The following TDRD1 variants were observed in gnomAD, a reference collection of about 807,000 sequenced individuals.
TDRD1 encodes the protein tudor domain containing 1, also known as tudor domain-containing protein 1.
Under a neutral mutation model 140.6 loss-of-function variants are expected in TDRD1, and 37 were observed. The ratio of observed to expected loss-of-function variants is 0.26; its 90% confidence interval spans 0.20 to 0.35. TDRD1 has a LOEUF of 0.35. Ranked by LOEUF, TDRD1 falls within the 10% of genes least tolerant of loss-of-function variation. The pLI, the probability that TDRD1 is intolerant of heterozygous loss-of-function variation, is 1.00. For synonymous variants in TDRD1, 506 were observed against 475.7 expected (o/e 1.06, Z -0.83); for missense variants, 1,243 against 1,393.0 (o/e 0.89, Z 1.71).
exon 16 of TDRD1, chr10:114,213,981 C>T: frequency 1.2e-6 from 2 of 1,613,882 alleles, no homozygotes; most frequent in Non-Finnish European, 1.7e-6. Context: ...TCACAGTTCC[C>T]TTGGGTGTGG....
chr10:114,223,497 G>A (rs951341703), intron 21 of TDRD1, among the ~76,000 whole-genome samples: 1 of 152,220 alleles, frequency 6.6e-6, no homozygotes, highest in Non-Finnish European at 1.5e-5. Context: ...TTTGTGATTA[G>A]ATGGGCACCA....
At chr10:114,215,634 G>C (rs1174066117) in intron 16 of TDRD1, among the ~76,000 whole-genome samples, 1 of 152,066 alleles carries the variant, frequency 6.6e-6, no homozygotes, top group Non-Finnish European at 1.5e-5. Context: ...GATAACTAAG[G>C]CCCTGTCTGA....
intron 1 of TDRD1, among the ~76,000 whole-genome samples, chr10:114,187,206 A>C (rs1472113594): frequency 6.6e-6 from 1 of 152,186 alleles, no homozygotes; most frequent in African/African-American, 2.4e-5. Flanking sequence ...AGGTCCTTAA[A>C]AGCAGTAGGT....
At position 114,206,442 on chromosome 10, in the gene TDRD1, C is replaced by T. The variant is rs913036635; in HGVS notation, c.1384+112C>T. The T allele has an allele frequency of 3.0e-5, 21 of 707,870 alleles. No individual in the cohort carries two copies. The Admixed American group carries it at 5.7e-4, about 19-fold the overall frequency. The allele number at this position is 707,870 out of a possible 1,614,324, so 43.8% of individuals were successfully genotyped here. ...GTTAAGACTTGTTAACGATAAACAT[C>T]CTATGAGCAATTTAAATACGCTGTT... is the stretch of plus-strand genomic sequence containing the variant. On this transcript the variant is annotated intron_variant, in intron 11 of 25. Coordinates refer to ENST00000251864, the Ensembl canonical transcript of TDRD1.
chr10:114,181,351 C>T (rs1417610747), intron 1 of TDRD1, among the ~76,000 whole-genome samples: 1 of 152,152 alleles, frequency 6.6e-6, no homozygotes, highest in African/African-American at 2.4e-5. Context: ...TATTTTAAAA[C>T]TGGGTGAGGT....
chr10:114,181,876 G>T (rs943224991), intron 1 of TDRD1, among the ~76,000 whole-genome samples: 8 of 151,556 alleles, frequency 5.3e-5, no homozygotes, highest in African/African-American at 1.9e-4. Flanking sequence ...ACCCTTAAAA[G>T]CCTATTCTGT....
chr10:114,207,170 C>G (rs568775997), intron 11 of TDRD1, among the ~76,000 whole-genome samples: 1 of 152,296 alleles, frequency 6.6e-6, no homozygotes, highest in African/African-American at 2.4e-5. Context: ...TTACTTTGCT[C>G]CTGTACTGAT....
chr10:114,203,012 A>T, intron 6 of TDRD1, 60 bp from the exon 7 acceptor site: 1 of 1,127,578 alleles, frequency 8.9e-7, no homozygotes, highest in Non-Finnish European at 1.4e-6. Flanking sequence ...TGTAGTGGCC[A>T]TAGAATCATT....
chr10:114,201,321 C>T (rs1380245923), intron 4 of TDRD1, 89 bp from the exon 5 acceptor site: 20 of 1,030,030 alleles, frequency 1.9e-5, no homozygotes, highest in Non-Finnish European at 2.7e-5. Flanking sequence ...ATTCTCTTGC[C>T]ATGGCTAATA....
intron 21 of TDRD1, among the ~76,000 whole-genome samples, chr10:114,224,792 T>C (rs1056679177): frequency 6.6e-6 from 1 of 152,242 alleles, no homozygotes; most frequent in African/African-American, 2.4e-5. Context: ...GTCATATTCC[T>C]CCTTGGTTTT....
chr10:114,223,949 C>G (rs752291905), intron 21 of TDRD1, among the ~76,000 whole-genome samples: 23 of 152,208 alleles, frequency 1.5e-4, no homozygotes, highest in Non-Finnish European at 3.1e-4. Context: ...ATGCTGAGAT[C>G]GTTTCAGCCC....
chr10:114,195,661 G>A (rs1055408183), intron 3 of TDRD1, among the ~76,000 whole-genome samples: 2 of 151,582 alleles, frequency 1.3e-5, no homozygotes, highest in South Asian at 2.1e-4. Flanking sequence ...TTTTACTTTC[G>A]GTCTCTCTAT....
At chr10:114,228,580 A>G in intron 25 of TDRD1, 1 of 985,322 alleles carries the variant, frequency 1.0e-6, no homozygotes, top group Non-Finnish European at 1.2e-6. Context: ...AAGGGCCAAG[A>G]ACGGAAAGTG....
exon 26 of TDRD1, chr10:114,231,607 T>C (rs1245969057): frequency 1.9e-6 from 2 of 1,079,856 alleles, no homozygotes; most frequent in Non-Finnish European, 2.7e-6. Flanking sequence ...CCACTTTCTC[T>C]GTAATGACCT....
At chr10:114,228,621 A>C (rs1247679031) in intron 25 of TDRD1, 1 of 985,334 alleles carries the variant, frequency 1.0e-6, no homozygotes, top group Admixed American at 6.1e-5. Flanking sequence ...TCATTTAAAA[A>C]CAAAACATAC....
chr10:114,197,654 T>C (rs2034457317), intron 3 of TDRD1, among the ~76,000 whole-genome samples: 1 of 139,914 alleles, frequency 7.1e-6, no homozygotes, highest in Admixed American at 7.3e-5. Flanking sequence ...TCTTGGGTAT[T>C]ATGAGACTTT....
chr10:114,201,372 A>C (rs1033911746), intron 4 of TDRD1, 38 bp from the exon 5 acceptor site: 2 of 1,525,820 alleles, frequency 1.3e-6, no homozygotes, highest in African/African-American at 2.7e-5. Context: ...GAATGTCTTG[A>C]TCTTCATCTG....
chr10:114,226,018 G>A (rs1328985049), intron 21 of TDRD1, 31 bp from the exon 22 acceptor site: 3 of 1,600,648 alleles, frequency 1.9e-6, no homozygotes, highest in Non-Finnish European at 8.6e-7. Context: ...CTGACTGTAA[G>A]TTCTTACCTG....
At chr10:114,202,339 T>C in intron 6 of TDRD1, 41 bp downstream of exon 6, 1 of 1,345,034 alleles carries the variant, frequency 7.4e-7, no homozygotes, top group Non-Finnish European at 1.0e-6. Flanking sequence ...TAACTCCTCT[T>C]TATTGAATTA....
Sources: allele counts gnomAD v4.1 joint callset (sites outside exome capture counted in the v4.1 genomes callset), GRCh38; gene constraint gnomAD v4.1.1; transcripts MANE v1.5; gene names NCBI Gene and HGNC (gene_info 2026-07-23, HGNC 2026-07-21).